The following GPR17 variants were observed in gnomAD, a reference collection of about 807,000 sequenced individuals.
GPR17 encodes G protein-coupled receptor 17.
In GPR17, 4 loss-of-function variants were observed where a neutral mutation model predicts 1.5. The observed-to-expected ratio is 2.73, with a 90% CI of 1.35 to 6.25. The LOEUF is 6.25. Among genes scored for constraint, GPR17 ranks in the 30% most tolerant of loss-of-function variants. GPR17 has a pLI of 0.00. For missense variants in GPR17, 463 were observed against 462.1 expected, an observed-to-expected ratio of 1.00 and a Z score of -0.02; for synonymous variants, 209 against 207.6, an observed-to-expected ratio of 1.01 and a Z score of -0.06.
intron 1 of GPR17, among the ~76,000 whole-genome samples, chr2:127,648,993 GAGGGGAGGGGAGGA>G (rs1202278387): frequency 4.4e-5 from 1 of 22,502 alleles, no homozygotes; most frequent in Non-Finnish European, 9.0e-5. Context: ...GGAGGGGAGG[GAGGGGAGGGGAGGA>G]AGGGGAGGGA....
At position 127,651,560 on chromosome 2, in the gene GPR17, G is replaced by T; in HGVS notation, c.825G>T (p.Leu275=). 6.2e-7 allele frequency: 1 copy of T among 1,612,666 alleles called. No individual in the cohort carries two copies. The highest frequency in any genetic ancestry group is 8.5e-7 in the Non-Finnish European group (1 of 1,180,038). The part of the protein sequence containing the change: ...HGASCATQRI[L]ALANRITSCL... ...CCTCCTGCGCCACCCAGCGCATCCTGGCCCTGGCAAACCGCATCACCTCCT... is the reference window on the plus strand; with the variant it reads ...CCTCCTGCGCCACCCAGCGCATCCTTGCCCTGGCAAACCGCATCACCTCCT... The change falls in exon 2 of 2, where the codon CTG becomes CTT. Residue 275 remains leucine (L), a synonymous_variant. Transcript: ENST00000486700.
In GPR17 at chr2:127,651,389, C is replaced by G; in HGVS notation, c.654C>G (p.Ser218Arg). ...TVTCYLLIIR[S>R]LRQGLRVEKR... The stretch of plus-strand genomic sequence containing the variant: ...CCTGCTACCTGCTGATCATCCGCAG[C>G]CTGCGGCAGGGCCTGCGTGTGGAGA... The change falls in exon 2 of 2, where the codon AGC (serine) becomes AGG (arginine). Residue 218 changes from serine to arginine, a missense_variant. By Grantham distance (110) the Ser-to-Arg change is moderately radical. Coordinates refer to ENST00000486700, the MANE Select transcript of GPR17 (RefSeq NM_001161417.2). 1 of 1,612,820 alleles carries G rather than the reference C, an allele frequency of 6.2e-7. No individual in the cohort carries two copies.
intron 1 of GPR17, among the ~76,000 whole-genome samples, chr2:127,648,980 AGGGGAGGGGAGGGAGGGGAGGGGAG>A (rs1683322718): frequency 5.8e-5 from 1 of 17,126 alleles, no homozygotes. Flanking sequence ...GAGGGGAGGG[AGGGGAGGGGAGGGAGGGGAGGGGAG>A]GAAGGGGAGG....
chr2:127,650,071 C>A, intron 1 of GPR17: 1 of 1,604,846 alleles, frequency 6.2e-7, no homozygotes, highest in Non-Finnish European at 8.5e-7. Context: ...TGCTGAAACT[C>A]TCAGGTGGGT....
chr2:127,648,302 TA>T, intron 1 of GPR17: 1 of 542,076 alleles, frequency 1.8e-6, no homozygotes, highest in Non-Finnish European at 2.4e-6. Context: ...GGAACCTGCC[TA>T]GAGAAATAGC....
At position 127,651,242 on chromosome 2, in the gene GPR17, C is replaced by T; in HGVS notation, c.507C>T (p.Ser169=). Residue 169 remains serine (S), a synonymous_variant, in exon 2 of 2, where the codon AGC becomes AGT. Transcript: ENST00000486700. ...VAVAMAPLLV[S]PQTVQTNHTV... is the part of the protein sequence containing the mutation. ...TGGCCATGGCCCCGCTGCTGGTGAGCCCACAGACCGTGCAGACCAACCACA... is the reference window on the plus strand; with the variant it reads ...TGGCCATGGCCCCGCTGCTGGTGAGTCCACAGACCGTGCAGACCAACCACA... 1 of 1,606,618 alleles carries T rather than the reference C, an allele frequency of 6.2e-7. No homozygotes were observed. Among genetic ancestry groups the T allele is most frequent in the Non-Finnish European group, 8.5e-7 (1 of 1,179,196 alleles).
At position 127,647,968 on chromosome 2, in the gene GPR17, C is replaced by T. The variant is rs1458370203; in HGVS notation, c.-21+1724C>T. On this transcript the variant is annotated intron_variant, in intron 1 of 1. Transcript: ENST00000486700. The surrounding 1 kb of genome is among the most constrained non-coding windows in gnomAD (Gnocchi z 4.3). ...TCCTTTTACCTCTCCTCCACAGCCCCCTTCACAGCCCTCAGCCCTTCCCCA... is the reference window on the plus strand; with the variant it reads ...TCCTTTTACCTCTCCTCCACAGCCCTCTTCACAGCCCTCAGCCCTTCCCCA... 4.2e-6 allele frequency: 4 copies of T among 960,622 alleles called. No homozygotes were observed. Among genetic ancestry groups the T allele is most frequent in the Non-Finnish European group, 5.0e-6 (4 of 807,330 alleles). The allele number at this position is 960,622 out of a possible 1,614,324, so 59.5% of individuals were successfully genotyped here. A position where few individuals can be genotyped will look rare whatever the true frequency, so the allele number is the denominator to read the frequency against.
At position 127,651,163 on chromosome 2, in the gene GPR17, G is replaced by T; in HGVS notation, c.428G>T (p.Arg143Leu). ...IVHPVKSLKL[R>L]RPLYAHLACA... ...CACCCGGTCAAGTCCCTCAAGCTCC[G>T]CAGGCCCCTCTACGCACACCTGGCC... The change falls in exon 2 of 2, where the codon CGC becomes CTC. Residue 143 changes from arginine to leucine, a missense_variant. Coordinates refer to ENST00000486700, the MANE Select transcript of GPR17 (RefSeq NM_001161417.2). 1 of 1,612,658 alleles carries T rather than the reference G, an allele frequency of 6.2e-7. No homozygotes were observed. Among genetic ancestry groups the T allele is most frequent in the Non-Finnish European group, 8.5e-7 (1 of 1,179,980 alleles).
intron 1 of GPR17, 163 bp from the exon 2 acceptor site, chr2:127,650,553 C>T (rs1022102820): frequency 3.3e-6 from 2 of 605,122 alleles, no homozygotes; most frequent in African/African-American, 1.8e-5. Flanking sequence ...GACGCTCACG[C>T]ACACCAAATG....
intron 1 of GPR17, chr2:127,650,440 G>C (rs904402696): frequency 1.8e-6 from 1 of 546,876 alleles, no homozygotes; most frequent in African/African-American, 1.9e-5. Context: ...TCCCAGCTCT[G>C]AGGAGCCTCA....
chr2:127,650,021 C>T (rs138999504), intron 1 of GPR17: 536 of 1,608,450 alleles, frequency 3.3e-4, no homozygotes, highest in Non-Finnish European at 4.2e-4. Context: ...GATGTCCAAA[C>T]GGAGTTGGTG....
intron 1 of GPR17, among the ~76,000 whole-genome samples, chr2:127,649,209 A>AAGGAAGGAAGGAAGGAAGGG (rs1341046404): frequency 6.8e-6 from 1 of 147,364 alleles, no homozygotes. Context: ...GGAAGGAAGG[A>AAGGAAGGAAGGAAGGAAGGG]AGGGCAGGGA....
At chr2:127,650,661 C>A (rs190276581) in intron 1 of GPR17, 55 bp from the exon 2 acceptor site, 25 of 1,246,136 alleles carry the variant, frequency 2.0e-5, no homozygotes, top group South Asian at 4.1e-5. Context: ...CTTCAGAGAG[C>A]GTGAAGCTGC....
chr2:127,651,131 C>T lies in GPR17; in HGVS notation c.396C>T (p.Ala132=). The change falls in exon 2 of 2, where the codon GCC becomes GCT. Residue 132 remains alanine, a synonymous_variant. Coordinates refer to ENST00000486700, the MANE Select transcript of GPR17 (RefSeq NM_001161417.2). ...LTCISADRFL[A]IVHPVKSLKL... ...GCATCAGCGCCGACCGTTTCCTGGC[C>T]ATTGTGCACCCGGTCAAGTCCCTCA... 1 of 1,613,466 alleles carries T rather than the reference C, an allele frequency of 6.2e-7. No individual in the cohort carries two copies. The highest frequency in any genetic ancestry group is 8.5e-7 in the Non-Finnish European group (1 of 1,180,004).
chr2:127,647,924 C>G lies in GPR17; in HGVS notation c.-21+1680C>G. ...TTCTCCCCTGCCTCACAGGCCCTGT[C>G]AAGGGCTGTGTTCCTCCCTCCTTTT... is the stretch of plus-strand genomic sequence containing the variant. On this transcript the variant is annotated intron_variant, in intron 1 of 1. Coordinates refer to ENST00000486700, the MANE Select transcript of GPR17 (RefSeq NM_001161417.2). This position sits in a 1 kb window ranked among gnomAD's most constrained non-coding sequence, Gnocchi z 4.3. 4.0e-6 allele frequency: 3 copies of G among 743,014 alleles called. No individual in the cohort carries two copies. Among genetic ancestry groups the G allele is most frequent in the Non-Finnish European group, 4.9e-6 (3 of 607,908 alleles). 46.0% of individuals were successfully genotyped at this position (743,014 alleles called of 1,614,324 possible). A position where few individuals can be genotyped will look rare whatever the true frequency, so the allele number is the denominator to read the frequency against.
In GPR17 at chr2:127,647,238, C is replaced by T. The variant is rs1683089071; in HGVS notation, c.-21+994C>T. ...GGGCCCCTAAAATGAGGGAGTGGCC[C>T]CAGGGCCAGGAGGGGGTGCTGAGCC... On this transcript the variant is annotated intron_variant, in intron 1 of 1. Transcript: ENST00000486700. This position sits in a 1 kb window ranked among gnomAD's most constrained non-coding sequence, Gnocchi z 4.3. Among the ~76,000 whole-genome samples, 2 of 152,176 alleles carry T rather than the reference C, an allele frequency of 1.3e-5. No individual in the cohort carries two copies. The highest frequency in any genetic ancestry group is 4.8e-5 in the African/African-American group (2 of 41,456).
chr2:127,651,528 C>T lies in GPR17; in HGVS notation c.793C>T (p.His265Tyr). Reference protein sequence around the residue: ...RSVYVLHYRSHGASCATQRIL... With the variant: ...RSVYVLHYRSYGASCATQRIL... ...CGTCTACGTGCTGCACTACCGCAGC[C>T]ATGGGGCCTCCTGCGCCACCCAGCG... Residue 265 changes from histidine to tyrosine, a missense_variant, in exon 2 of 2, where the codon CAT becomes TAT. By Grantham distance (83) the His-to-Tyr change is moderately conservative. Transcript: ENST00000486700. 1 of 1,612,658 alleles carries T rather than the reference C, an allele frequency of 6.2e-7. No homozygotes were observed. The highest frequency in any genetic ancestry group is 2.2e-5 in the East Asian group (1 of 44,892).
intron 1 of GPR17, chr2:127,648,270 G>A (rs1046526278): frequency 9.3e-5 from 82 of 877,616 alleles, no homozygotes; most frequent in Non-Finnish European, 8.1e-5. Flanking sequence ...CTCTGAAGCC[G>A]GGGGCAATCT....
intron 1 of GPR17, chr2:127,650,426 G>C (rs1683613750): frequency 1.8e-6 from 1 of 541,204 alleles, no homozygotes; most frequent in Admixed American, 3.4e-5. Flanking sequence ...CACTGACCCG[G>C]TCCTCCCAGC....
Sources: gnomAD v4.1 joint callset for allele counts (sites outside exome capture counted in the v4.1 genomes callset) on GRCh38, gnomAD v4.1.1 for gene constraint, Gnocchi (gnomAD v3.1) non-coding constraint, MANE v1.5 for transcripts, NCBI Gene and HGNC (gene_info 2026-07-23, HGNC 2026-07-21) for gene names.